PCDH15: variants seen among roughly 807,000 people sequenced by gnomAD.
The protein encoded by PCDH15 is protocadherin related 15.
A neutral mutation model predicts 178.5 loss-of-function variants in PCDH15; 129 were observed. That is an observed-to-expected ratio of 0.72 (90% CI 0.63 to 0.84). The LOEUF is 0.84. PCDH15 is among the 40% of genes least tolerant of loss of function. The pLI, the probability that PCDH15 is intolerant of heterozygous loss-of-function variation, is 0.00. For missense variants in PCDH15, 2,230 were observed against 2,099.9 expected (o/e 1.06, Z -1.21); for synonymous variants, 800 against 732.0 (o/e 1.09, Z -1.50).
chr10:54,640,412 T>G (rs1263233375), intron 2 of PCDH15, among the ~76,000 whole-genome samples: 1 of 152,092 alleles, frequency 6.6e-6, no homozygotes, highest in Non-Finnish European at 1.5e-5. Context: ...TTAATACTTT[T>G]CTATTTGTTA....
chr10:55,233,823 T>A (rs1013089285), intron 1 of PCDH15, among the ~76,000 whole-genome samples: 10 of 152,110 alleles, frequency 6.6e-5, no homozygotes, highest in African/African-American at 2.4e-4. Context: ...AACAATATAC[T>A]ATAGTGCTTT....
intron 28 of PCDH15, among the ~76,000 whole-genome samples, chr10:53,851,583 T>G (rs1374821732): frequency 6.7e-6 from 1 of 149,814 alleles, no homozygotes; most frequent in Non-Finnish European, 1.5e-5. Flanking sequence ...TAAAACCAAG[T>G]TTTTATTACA....
At chr10:55,413,890 T>A (rs545024875) in intron 2 of PCDH15, among the ~76,000 whole-genome samples, 1 of 151,678 alleles carries the variant, frequency 6.6e-6, no homozygotes, top group East Asian at 1.9e-4. Flanking sequence ...CACTTTGAAG[T>A]TAGCTCATTA....
intron 3 of PCDH15, among the ~76,000 whole-genome samples, chr10:54,857,049 C>T (rs144744202): frequency 0.018 from 2,791 of 152,184 alleles, 39 homozygotes; most frequent in Non-Finnish European, 0.027. Flanking sequence ...GGAGGAATGT[C>T]AGAACTAATC....
intron 3 of PCDH15, among the ~76,000 whole-genome samples, chr10:54,420,272 T>C (rs1410066669): frequency 1.3e-5 from 2 of 152,124 alleles, no homozygotes; most frequent in African/African-American, 4.8e-5. Flanking sequence ...CCCTGCAGCC[T>C]TGTCTTGTGG....
chr10:54,992,386 A>T (rs11004660), intron 2 of PCDH15, among the ~76,000 whole-genome samples: 52,206 of 152,006 alleles, frequency 0.34, 10,452 homozygotes, highest in African/African-American at 0.55. Flanking sequence ...AAGTCAGTTG[A>T]CCTAAAGTTT....
chr10:54,741,251 A>G (rs974305534), intron 1 of PCDH15, among the ~76,000 whole-genome samples: 6 of 151,070 alleles, frequency 4.0e-5, no homozygotes, highest in African/African-American at 1.5e-4. Flanking sequence ...GTATACAAAA[A>G]CTATATATTA....
chr10:53,807,209 A>G, intron 37 of PCDH15, 79 bp from the exon 38 acceptor site: 7 of 1,167,716 alleles, frequency 6.0e-6, no homozygotes, highest in Non-Finnish European at 8.2e-6. Context: ...GTGAAATCCA[A>G]AACAATGACA....
intron 2 of PCDH15, among the ~76,000 whole-genome samples, chr10:55,556,760 G>C (rs572631266): frequency 2.0e-5 from 3 of 152,274 alleles, no homozygotes; most frequent in African/African-American, 7.2e-5. Context: ...AGAATCGCTT[G>C]GACCCGGGAG....
chr10:55,436,897 A>T (rs1161423096), intron 2 of PCDH15, among the ~76,000 whole-genome samples: 1 of 152,202 alleles, frequency 6.6e-6, no homozygotes, highest in Non-Finnish European at 1.5e-5. Context: ...CATTACAACA[A>T]AACTTCATAA....
chr10:54,043,308 G>GAC (rs1173266553), intron 18 of PCDH15, among the ~76,000 whole-genome samples: 2 of 152,016 alleles, frequency 1.3e-5, no homozygotes, highest in East Asian at 3.9e-4. Flanking sequence ...GTTTAAAGAA[G>GAC]CTCCATATCC....
chr10:55,293,009 C>T, intron 1 of PCDH15, among the ~76,000 whole-genome samples: 1 of 152,182 alleles, frequency 6.6e-6, no homozygotes, highest in East Asian at 1.9e-4. Flanking sequence ...ACTGCCCTAG[C>T]AGAGGTTCTC....
chr10:53,869,503 GGA>G (rs1237728573), intron 26 of PCDH15, among the ~76,000 whole-genome samples: 2 of 151,932 alleles, frequency 1.3e-5, no homozygotes, highest in Non-Finnish European at 2.9e-5. Flanking sequence ...TTATTAACAT[GGA>G]TATTTCTATG....
intron 26 of PCDH15, among the ~76,000 whole-genome samples, chr10:53,901,501 C>G (rs1421887669): frequency 1.3e-5 from 2 of 152,258 alleles, no homozygotes; most frequent in South Asian, 4.1e-4. Context: ...ACTCGTCATG[C>G]ATTAAACTCT....
intron 2 of PCDH15, among the ~76,000 whole-genome samples, chr10:55,615,517 G>A (rs1375105790): frequency 3.3e-5 from 5 of 151,842 alleles, no homozygotes; most frequent in East Asian, 1.9e-4. Flanking sequence ...TATTGTATAC[G>A]AGCACCCTCT....
intron 3 of PCDH15, among the ~76,000 whole-genome samples, chr10:54,858,293 T>G (rs1564575630): frequency 6.6e-6 from 1 of 152,198 alleles, no homozygotes; most frequent in Non-Finnish European, 1.5e-5. Flanking sequence ...TACTACGATA[T>G]CTTTGTTGAT....
chr10:54,536,675 T>C (rs2084566122), intron 2 of PCDH15, among the ~76,000 whole-genome samples: 1 of 152,150 alleles, frequency 6.6e-6, no homozygotes, highest in Admixed American at 6.6e-5. Flanking sequence ...ATGTCCAGTG[T>C]CTATTACTGA....
intron 2 of PCDH15, among the ~76,000 whole-genome samples, chr10:55,329,026 TTTG>T (rs1844122800): frequency 2.1e-5 from 3 of 144,914 alleles, no homozygotes; most frequent in Non-Finnish European, 3.1e-5. Flanking sequence ...TGTGTGTGTG[TTTG>T]TGTGTGTGTG....
chr10:55,068,519 G>T (rs952841562), intron 2 of PCDH15, among the ~76,000 whole-genome samples: 2 of 152,034 alleles, frequency 1.3e-5, no homozygotes, highest in Admixed American at 6.6e-5. Flanking sequence ...TTTGAAATAA[G>T]GTAGTATGAT....
Sources: allele counts gnomAD v4.1 joint callset (sites outside exome capture counted in the v4.1 genomes callset), GRCh38; gene constraint gnomAD v4.1.1; transcripts MANE v1.5; gene names NCBI Gene and HGNC (gene_info 2026-07-23, HGNC 2026-07-21).